The following FGF18 variants were observed in gnomAD, a reference collection of about 807,000 sequenced individuals.
FGF18 encodes fibroblast growth factor 18.
FGF18 carries 5 observed loss-of-function variants against 23.0 expected under a neutral mutation model. The ratio of observed to expected loss-of-function variants is 0.22; its 90% CI spans 0.11 to 0.46. The LOEUF (loss-of-function observed/expected upper bound fraction) is 0.46. Ranked by LOEUF, FGF18 falls within the 20% of genes least tolerant of loss-of-function variation. The pLI is 0.99. For synonymous variants in FGF18, 117 were observed against 118.9 expected, an observed-to-expected ratio of 0.98 and a Z score of 0.10; for missense variants, 180 against 291.6, an observed-to-expected ratio of 0.62 and a Z score of 2.79.
intron 4 of FGF18, among the ~76,000 whole-genome samples, chr5:171,449,828 A>T (rs1369534857): frequency 8.9e-5 from 2 of 22,576 alleles, no homozygotes; most frequent in Non-Finnish European, 1.8e-4. Flanking sequence ...TGGGGGCAGG[A>T]GTGGGGGTGC....
intron 2 of FGF18, among the ~76,000 whole-genome samples, chr5:171,425,446 C>G (rs1040715195): frequency 5.9e-5 from 9 of 151,874 alleles, no homozygotes; most frequent in Admixed American, 1.3e-4. Flanking sequence ...GTCTTGAACT[C>G]CTGACCTCAG....
intron 4 of FGF18, 135 bp downstream of exon 4, chr5:171,449,388 TGTGTGTGTGTGTGAGAGAGA>T: frequency 5.8e-6 from 3 of 513,080 alleles, no homozygotes; most frequent in Non-Finnish European, 7.3e-6. Flanking sequence ...TGTGTGTGTG[TGTGTGTGTGTGTGAGAGAGA>T]GAGAGAGAGA....
intron 2 of FGF18, among the ~76,000 whole-genome samples, chr5:171,424,299 C>T (rs1222957038): frequency 2.0e-5 from 3 of 152,310 alleles, no homozygotes; most frequent in East Asian, 3.9e-4. Context: ...ATCTTCCTCC[C>T]GTTTAGCAGG....
intron 2 of FGF18, among the ~76,000 whole-genome samples, chr5:171,422,324 C>G (rs889150009): frequency 6.6e-6 from 1 of 152,156 alleles, no homozygotes; most frequent in Non-Finnish European, 1.5e-5. Flanking sequence ...AGGGATCCTC[C>G]TCTCCCCACC....
chr5:171,432,763 T>C (rs918810678), intron 2 of FGF18, among the ~76,000 whole-genome samples: 7 of 152,218 alleles, frequency 4.6e-5, no homozygotes, highest in Non-Finnish European at 8.8e-5. Context: ...TGCTGGGTAG[T>C]CAGTTGCCTT....
intron 3 of FGF18, among the ~76,000 whole-genome samples, chr5:171,446,097 C>T (rs1472710202): frequency 6.6e-6 from 1 of 152,212 alleles, no homozygotes; most frequent in Non-Finnish European, 1.5e-5. Context: ...GGCCCGGCTC[C>T]CTCCTCATGA....
intron 3 of FGF18, among the ~76,000 whole-genome samples, chr5:171,443,500 C>CTTTTTTTTTTT (rs766926286): frequency 0.019 from 1,339 of 70,210 alleles, 262 homozygotes; most frequent in Middle Eastern, 0.041. Flanking sequence ...CTGTTATCAT[C>CTTTTTTTTTTT]ATTTTTTTTT....
chr5:171,426,930 C>T (rs992110826), intron 2 of FGF18, among the ~76,000 whole-genome samples: 15 of 152,140 alleles, frequency 9.9e-5, no homozygotes, highest in Non-Finnish European at 1.9e-4. Flanking sequence ...TACTTCTGGC[C>T]GGGCGTGGTG....
chr5:171,447,356 T>A (rs1167104350), intron 3 of FGF18, among the ~76,000 whole-genome samples: 2 of 151,934 alleles, frequency 1.3e-5, no homozygotes, highest in African/African-American at 4.8e-5. Flanking sequence ...TGCTGTGATG[T>A]TTGGCCCTGG....
At chr5:171,442,578 T>C (rs10077440) in intron 3 of FGF18, among the ~76,000 whole-genome samples, 66,525 of 152,072 alleles carry the variant, frequency 0.44, 14,678 homozygotes, top group South Asian at 0.57. Flanking sequence ...CTGCTGCTCT[T>C]GCGGGTCTTG....
At chr5:171,430,828 A>G (rs953397941) in intron 2 of FGF18, among the ~76,000 whole-genome samples, 3 of 150,708 alleles carry the variant, frequency 2.0e-5, no homozygotes, top group Admixed American at 2.0e-4. Context: ...AAAAAAGAGT[A>G]ATGATTGTTA....
chr5:171,432,500 C>T (rs978000878), intron 2 of FGF18, among the ~76,000 whole-genome samples: 1 of 152,124 alleles, frequency 6.6e-6, no homozygotes, highest in African/African-American at 2.4e-5. Flanking sequence ...CCTCTGCCTC[C>T]CAGTTTCAAG....
intron 3 of FGF18, among the ~76,000 whole-genome samples, chr5:171,437,520 C>T (rs150966520): frequency 2.4e-4 from 37 of 152,300 alleles, no homozygotes; most frequent in African/African-American, 8.2e-4. Context: ...TTCTTCCTTT[C>T]GCAGCTTTTC....
At chr5:171,421,657 G>A (rs1772008630) in intron 2 of FGF18, among the ~76,000 whole-genome samples, 3 of 152,162 alleles carry the variant, frequency 2.0e-5, no homozygotes, top group Non-Finnish European at 4.4e-5. Context: ...TGGTGGGCCT[G>A]CTATCTTCCT....
intron 3 of FGF18, 41 bp from the exon 4 acceptor site, chr5:171,449,106 T>C (rs1772456310): frequency 1.4e-6 from 2 of 1,448,642 alleles, no homozygotes; most frequent in South Asian, 2.3e-5. Context: ...CCATTGCCCC[T>C]GGTAATAAAA....
At chr5:171,425,769 A>G (rs763251014) in intron 2 of FGF18, among the ~76,000 whole-genome samples, 2 of 151,192 alleles carry the variant, frequency 1.3e-5, no homozygotes, top group Non-Finnish European at 2.9e-5. Flanking sequence ...TGACCTCGTG[A>G]TCTGCTTGCC....
intron 2 of FGF18, among the ~76,000 whole-genome samples, chr5:171,423,453 G>T (rs569321254): frequency 2.0e-5 from 3 of 152,190 alleles, no homozygotes; most frequent in Non-Finnish European, 4.4e-5. Context: ...CGCCAGGCTC[G>T]GCTAGGTCCT....
chr5:171,427,870 T>A (rs1222410574), intron 2 of FGF18, among the ~76,000 whole-genome samples: 1 of 152,174 alleles, frequency 6.6e-6, no homozygotes, highest in Non-Finnish European at 1.5e-5. Flanking sequence ...TCCAGGGCGC[T>A]CTGCGGGGCT....
chr5:171,430,185 C>T (rs906896169), intron 2 of FGF18, among the ~76,000 whole-genome samples: 1 of 150,766 alleles, frequency 6.6e-6, no homozygotes, highest in Admixed American at 6.7e-5. Context: ...GGTGAAATCC[C>T]GTCTCTACTA....
Sources: allele counts gnomAD v4.1 joint callset (sites outside exome capture counted in the v4.1 genomes callset), GRCh38; gene constraint gnomAD v4.1.1; transcripts MANE v1.5; gene names NCBI Gene and HGNC (gene_info 2026-07-23, HGNC 2026-07-21).